The following NKAIN2 variants were observed in gnomAD, a reference collection of about 807,000 sequenced individuals.
The protein encoded by NKAIN2 is sodium/potassium-transporting ATPase subunit beta-1-interacting protein 2.
Under a neutral mutation model 32.6 loss-of-function variants are expected in NKAIN2, and 14 were observed. The ratio of observed to expected loss-of-function variants is 0.43; its 90% CI spans 0.28 to 0.67. The LOEUF is 0.67. Among genes scored for constraint, NKAIN2 ranks in the 30% least tolerant of loss-of-function variants. The pLI is 0.17. For synonymous variants in NKAIN2, 80 were observed against 87.2 expected, an observed-to-expected ratio of 0.92 and a Z score of 0.46; for missense variants, 198 against 258.3, an observed-to-expected ratio of 0.77 and a Z score of 1.60.
chr6:124,492,997 A>G (rs1777924914), intron 3 of NKAIN2, among the ~76,000 whole-genome samples: 1 of 151,992 alleles, frequency 6.6e-6, no homozygotes, highest in African/African-American at 2.4e-5. Flanking sequence ...AGCCACTGTA[A>G]GCCTGTGTCT....
chr6:124,001,856 A>T (rs1335573971), intron 1 of NKAIN2, among the ~76,000 whole-genome samples: 2 of 147,206 alleles, frequency 1.4e-5, no homozygotes, highest in East Asian at 3.9e-4. Flanking sequence ...TGCATTGCAC[A>T]AGAGGGTTAG....
chr6:124,633,148 A>C (rs1783636078), intron 3 of NKAIN2, among the ~76,000 whole-genome samples: 1 of 152,188 alleles, frequency 6.6e-6, no homozygotes, highest in Non-Finnish European at 1.5e-5. Context: ...AATTTCCTTG[A>C]GAGGCAAGAA....
At chr6:124,404,100 A>G (rs988614848) in intron 3 of NKAIN2, among the ~76,000 whole-genome samples, 2 of 152,162 alleles carry the variant, frequency 1.3e-5, no homozygotes, top group Admixed American at 1.3e-4. Flanking sequence ...AATATTGTGT[A>G]GAAATAAGCT....
At chr6:124,033,564 T>A (rs1446642556) in intron 1 of NKAIN2, among the ~76,000 whole-genome samples, 1 of 152,066 alleles carries the variant, frequency 6.6e-6, no homozygotes, top group Non-Finnish European at 1.5e-5. Flanking sequence ...AAAAGTTAAA[T>A]CACATTTGGG....
At position 123,911,785 on chromosome 6, in the gene NKAIN2, A is replaced by ATGTATATATATATATGTATATATATG. The variant is rs565117284; in HGVS notation, c.54+107532_54+107533insGTATATATATATATGTATATATATGT. On this transcript the variant is annotated intron_variant, in intron 1 of 6. Coordinates refer to ENST00000368417, the MANE Select transcript of NKAIN2 (RefSeq NM_001040214.3). Reference sequence around the variant, plus strand: ...TAGTCGTATATATACATACATACATATATATATATATATATGTATATATAT... The same window carrying ATGTATATATATATATGTATATATATG: ...TAGTCGTATATATACATACATACATATGTATATATATATATGTATATATATGTATATATATATATATGTATATATAT... 4.5e-5 allele frequency among the ~76,000 whole-genome samples: 4 copies of ATGTATATATATATATGTATATATATG among 89,698 alleles called. No homozygotes were observed. In the East Asian group the frequency reaches 1.1e-3, roughly 25 times the overall value. 58.8% of individuals were successfully genotyped at this position (89,698 alleles called of 152,430 possible). A position where few individuals can be genotyped will look rare whatever the true frequency, so the allele number is the denominator to read the frequency against.
intron 2 of NKAIN2, among the ~76,000 whole-genome samples, chr6:124,298,921 C>T (rs1403696741): frequency 1.3e-5 from 2 of 152,218 alleles, no homozygotes; most frequent in East Asian, 1.9e-4. Context: ...GATCTCTCCA[C>T]AGTAACCATG....
chr6:124,158,494 G>C (rs1562391877), intron 1 of NKAIN2, among the ~76,000 whole-genome samples: 1 of 152,122 alleles, frequency 6.6e-6, no homozygotes, highest in Non-Finnish European at 1.5e-5. Context: ...TGTGGAATCA[G>C]ACTAGACTGA....
In NKAIN2 at chr6:124,210,373, TC is replaced by T. The variant is rs200031426; in HGVS notation, c.55-72630del. Reference sequence around the variant, plus strand: ...TATAGTTAAAAGTCAGGTAATGTGATCCTGTCTAGTTTTGTTCTTTTTGCTC... The same window carrying T: ...TATAGTTAAAAGTCAGGTAATGTGATCTGTCTAGTTTTGTTCTTTTTGCTC... On this transcript the variant is annotated intron_variant, in intron 1 of 6. Transcript: ENST00000368417. Among the ~76,000 whole-genome samples the T allele has an allele frequency of 2.4e-3, 363 of 152,078 alleles. 3 individuals carry two copies. The highest frequency in any genetic ancestry group is 0.021 in the Admixed American group (316 of 15,236).
chr6:124,471,193 T>C (rs1776958451), intron 3 of NKAIN2, among the ~76,000 whole-genome samples: 2 of 152,198 alleles, frequency 1.3e-5, no homozygotes, highest in Admixed American at 1.3e-4. Context: ...GATAAGGTCA[T>C]TTATATCCTT....
chr6:124,594,281 G>A (rs1022559449), intron 3 of NKAIN2, among the ~76,000 whole-genome samples: 5 of 152,146 alleles, frequency 3.3e-5, no homozygotes, highest in South Asian at 2.1e-4. Flanking sequence ...AATGATGATC[G>A]AATCAAAAAA....
chr6:124,482,199 A>G (rs1400386138), intron 3 of NKAIN2, among the ~76,000 whole-genome samples: 1 of 152,186 alleles, frequency 6.6e-6, no homozygotes, highest in Admixed American at 6.5e-5. Flanking sequence ...CTTTAACTAT[A>G]GAGACTCCTG....
chr6:124,020,627 T>A (rs1489437509), intron 1 of NKAIN2, among the ~76,000 whole-genome samples: 1 of 139,596 alleles, frequency 7.2e-6, no homozygotes, highest in Non-Finnish European at 1.5e-5. Context: ...GCTGAAATAT[T>A]TTAAAAACAT....
At chr6:124,234,096 G>A (rs566062467) in intron 1 of NKAIN2, among the ~76,000 whole-genome samples, 1 of 152,146 alleles carries the variant, frequency 6.6e-6, no homozygotes, top group South Asian at 2.1e-4. Context: ...TCACTTTCCA[G>A]CTCTTTCTGT....
chr6:124,152,330 G>C (rs1161178796), intron 1 of NKAIN2, among the ~76,000 whole-genome samples: 1 of 151,922 alleles, frequency 6.6e-6, no homozygotes, highest in Non-Finnish European at 1.5e-5. Context: ...TTTTGCACCA[G>C]TATGCATGAT....
At chr6:123,832,566 G>T (rs1774432315) in intron 1 of NKAIN2, among the ~76,000 whole-genome samples, 1 of 152,150 alleles carries the variant, frequency 6.6e-6, no homozygotes, top group Admixed American at 6.6e-5. Flanking sequence ...TTCCAAAGTG[G>T]CTGTACCGTT....
intron 3 of NKAIN2, among the ~76,000 whole-genome samples, chr6:124,428,791 C>T (rs1182218664): frequency 6.6e-6 from 1 of 152,100 alleles, no homozygotes; most frequent in Non-Finnish European, 1.5e-5. Flanking sequence ...AATTTGAACA[C>T]TGACACTTCA....
At chr6:124,608,445 C>A (rs1387477360) in intron 3 of NKAIN2, among the ~76,000 whole-genome samples, 2 of 151,992 alleles carry the variant, frequency 1.3e-5, no homozygotes, top group Admixed American at 6.6e-5. Flanking sequence ...CTATCTAAAG[C>A]CTCAAAAGCA....
At chr6:124,156,108 G>T (rs1436743761) in intron 1 of NKAIN2, among the ~76,000 whole-genome samples, 1 of 152,078 alleles carries the variant, frequency 6.6e-6, no homozygotes, top group African/African-American at 2.4e-5. Flanking sequence ...TGAGCTAGGG[G>T]TGACTTCTAA....
chr6:123,892,091 GA>G, intron 1 of NKAIN2, among the ~76,000 whole-genome samples: 1 of 152,108 alleles, frequency 6.6e-6, no homozygotes, highest in Middle Eastern at 3.4e-3. Context: ...CTCAGAGAAA[GA>G]AAAAATGGGG....
Sources: gnomAD v4.1 joint callset for allele counts (sites outside exome capture counted in the v4.1 genomes callset) on GRCh38, gnomAD v4.1.1 for gene constraint, MANE v1.5 for transcripts, NCBI Gene and HGNC (gene_info 2026-07-23, HGNC 2026-07-21) for gene names.